P3H2: variants seen among roughly 807,000 people sequenced by gnomAD.
P3H2 encodes prolyl 3-hydroxylase 2.
P3H2 carries 80 observed loss-of-function variants against 87.0 expected under a neutral mutation model. The observed-to-expected ratio is 0.92, with a 90% CI of 0.77 to 1.11. The LOEUF (loss-of-function observed/expected upper bound fraction) is 1.11, where lower values mean the gene tolerates loss of function less well. Among genes scored for constraint, P3H2 ranks in the 50% least tolerant of loss-of-function variants. The pLI is 0.00. For missense variants in P3H2, 1,001 were observed against 923.9 expected, an observed-to-expected ratio of 1.08 and a Z score of -1.08; for synonymous variants, 367 against 359.3, an observed-to-expected ratio of 1.02 and a Z score of -0.24.
At chr3:190,091,342 C>T (rs184346030) in intron 1 of P3H2, among the ~76,000 whole-genome samples, 15 of 152,264 alleles carry the variant, frequency 9.9e-5, no homozygotes, top group African/African-American at 2.6e-4. Flanking sequence ...TATGGAAACA[C>T]GAAGTGGACA....
At chr3:189,960,783 G>A (rs1722787767) in intron 14 of P3H2, among the ~76,000 whole-genome samples, 1 of 152,134 alleles carries the variant, frequency 6.6e-6, no homozygotes, top group South Asian at 2.1e-4. Flanking sequence ...ACTATTTTAT[G>A]AATTGAAAAC....
At position 190,034,853 on chromosome 3, in the gene P3H2, C is replaced by CTT. The variant is rs58325211; in HGVS notation, c.481-39413_481-39412dup. 9.1e-3 allele frequency among the ~76,000 whole-genome samples: 1,279 copies of CTT among 140,196 alleles called. 15 individuals are homozygous for CTT. Among genetic ancestry groups the CTT allele is most frequent in the East Asian group, 0.025 (125 of 4,924 alleles). The allele number at this position is 140,196 out of a possible 152,430, so 92.0% of individuals were successfully genotyped here. ...ATCGCTTTTTCTTTTCTTTTCTTTTCTTTTTTTTTTTTTGAGACGGCATTT... is the reference window on the plus strand; with the variant it reads ...ATCGCTTTTTCTTTTCTTTTCTTTTCTTTTTTTTTTTTTTTGAGACGGCATTT... On this transcript the variant is annotated intron_variant, in intron 1 of 14. Transcript: ENST00000319332.
chr3:190,084,945 A>G (rs1359675421), intron 1 of P3H2, among the ~76,000 whole-genome samples: 2 of 143,608 alleles, frequency 1.4e-5, no homozygotes, highest in Non-Finnish European at 3.1e-5. Context: ...GCTAAGAGAA[A>G]CAAACAAAAA....
intron 8 of P3H2, among the ~76,000 whole-genome samples, chr3:189,982,728 A>G (rs1723574553): frequency 6.6e-6 from 1 of 152,242 alleles, no homozygotes; most frequent in Non-Finnish European, 1.5e-5. Context: ...GTGTAACAGA[A>G]GTAAACCATA....
At chr3:190,018,462 C>G (rs2108939139) in intron 1 of P3H2, among the ~76,000 whole-genome samples, 1 of 152,118 alleles carries the variant, frequency 6.6e-6, no homozygotes, top group South Asian at 2.1e-4. Flanking sequence ...AATCCCAAAA[C>G]TTTGGGAGGC....
chr3:190,054,848 T>G (rs1726099757), intron 1 of P3H2, among the ~76,000 whole-genome samples: 1 of 152,166 alleles, frequency 6.6e-6, no homozygotes, highest in Admixed American at 6.5e-5. Flanking sequence ...CTTCTTCACA[T>G]TACAGAATTG....
chr3:190,005,399 G>T (rs1724358405), intron 1 of P3H2, among the ~76,000 whole-genome samples: 3 of 152,204 alleles, frequency 2.0e-5, no homozygotes, highest in African/African-American at 7.2e-5. Context: ...GTTTTAAATT[G>T]TAACAATGCT....
At chr3:190,044,446 C>T (rs1725737747) in intron 1 of P3H2, among the ~76,000 whole-genome samples, 1 of 152,194 alleles carries the variant, frequency 6.6e-6, no homozygotes, top group Admixed American at 6.5e-5. Context: ...CGCTAGAATG[C>T]AGTGCACACA....
intron 1 of P3H2, among the ~76,000 whole-genome samples, chr3:190,100,791 T>G (rs1711598419): frequency 6.6e-6 from 1 of 152,176 alleles, no homozygotes; most frequent in Non-Finnish European, 1.5e-5. Flanking sequence ...TTTTGAAGTA[T>G]GTAAATACAG....
At chr3:189,970,722 A>C (rs532909739) in intron 13 of P3H2, 94 bp downstream of exon 13, 1 of 773,262 alleles carries the variant, frequency 1.3e-6, no homozygotes, top group Non-Finnish European at 2.3e-6. Context: ...TGAGCTCAGA[A>C]GTATTTGAAA....
chr3:190,114,729 G>C (rs1258159800), intron 1 of P3H2, among the ~76,000 whole-genome samples: 1 of 152,146 alleles, frequency 6.6e-6, no homozygotes, highest in Non-Finnish European at 1.5e-5. Context: ...ACAAAAAAGT[G>C]TTCAGTTGTT....
At chr3:189,958,699 C>CT (rs71175319) in intron 14 of P3H2, among the ~76,000 whole-genome samples, 3,827 of 119,928 alleles carry the variant, frequency 0.032, 138 homozygotes, top group Non-Finnish European at 0.04. Flanking sequence ...ATTGCTCCCT[C>CT]TTTTTTTTTT....
At chr3:189,993,460 G>A (rs912525655) in intron 3 of P3H2, among the ~76,000 whole-genome samples, 6 of 152,042 alleles carry the variant, frequency 3.9e-5, no homozygotes, top group Non-Finnish European at 7.4e-5. Context: ...GCATACAGCA[G>A]AGACCCCACT....
At chr3:189,997,653 C>T (rs962520658) in intron 1 of P3H2, among the ~76,000 whole-genome samples, 1 of 152,166 alleles carries the variant, frequency 6.6e-6, no homozygotes, top group Non-Finnish European at 1.5e-5. Flanking sequence ...TGTAATTGCA[C>T]ATTTTTAGCT....
intron 1 of P3H2, among the ~76,000 whole-genome samples, chr3:190,030,720 T>C (rs1265244113): frequency 6.6e-6 from 1 of 152,158 alleles, no homozygotes; most frequent in Non-Finnish European, 1.5e-5. Context: ...AGTAAATTTA[T>C]AATAACTAAA....
intron 14 of P3H2, among the ~76,000 whole-genome samples, chr3:189,961,115 A>G (rs1043160922): frequency 6.6e-6 from 1 of 152,050 alleles, no homozygotes; most frequent in Non-Finnish European, 1.5e-5. Context: ...TAATTTTTGT[A>G]ATTTTAGTAG....
chr3:190,032,936 A>T (rs796201299), intron 1 of P3H2, among the ~76,000 whole-genome samples: 1 of 152,224 alleles, frequency 6.6e-6, no homozygotes, highest in Non-Finnish European at 1.5e-5. Flanking sequence ...GCAATATATA[A>T]TAAAATAATT....
In P3H2 at chr3:190,090,645, G is replaced by A. The variant is rs200845559; in HGVS notation, c.480+29607C>T. Among the ~76,000 whole-genome samples, 24 of 152,056 alleles carry A rather than the reference G, an allele frequency of 1.6e-4. No homozygotes were observed. In the East Asian group the frequency reaches 4.4e-3, roughly 28 times the overall value. On this transcript the variant is annotated intron_variant, in intron 1 of 14. Coordinates refer to ENST00000319332, the MANE Select transcript of P3H2 (RefSeq NM_018192.4). ...GTGAAGCTGGGAGGCGGAGCTTGCA[G>A]TGAGCCCAGATTGTGCCACTGCACT... is the stretch of plus-strand genomic sequence containing the variant.
At chr3:190,109,053 C>T (rs890734105) in intron 1 of P3H2, among the ~76,000 whole-genome samples, 2 of 152,188 alleles carry the variant, frequency 1.3e-5, no homozygotes, top group Non-Finnish European at 2.9e-5. Flanking sequence ...ATCTGCTTCC[C>T]AATTACTAAT....
Sources: allele counts gnomAD v4.1 joint callset (sites outside exome capture counted in the v4.1 genomes callset), GRCh38; gene constraint gnomAD v4.1.1; transcripts MANE v1.5; gene names NCBI Gene and HGNC (gene_info 2026-07-23, HGNC 2026-07-21).